EYS: variants seen among roughly 807,000 people sequenced by gnomAD.
EYS encodes the protein protein eyes shut homolog.
A neutral mutation model predicts 282.1 loss-of-function variants in EYS; 250 were observed. The ratio of observed to expected loss-of-function variants is 0.89; its 90% confidence interval spans 0.80 to 0.98. The LOEUF (loss-of-function observed/expected upper bound fraction) is 0.98. EYS is among the 50% of genes least tolerant of loss of function. EYS has a pLI of 0.00. For missense variants in EYS, 4,016 were observed against 3,709.0 expected (o/e 1.08, Z -2.15); for synonymous variants, 1,355 against 1,282.9 (o/e 1.06, Z -1.20).
At chr6:63,971,585 A>G (rs1439784800) in intron 35 of EYS, among the ~76,000 whole-genome samples, 1 of 152,180 alleles carries the variant, frequency 6.6e-6, no homozygotes, top group Non-Finnish European at 1.5e-5. Context: ...TGTGGCTCAC[A>G]TTTAGGTCTA....
chr6:64,556,451 T>A (rs1765235066), intron 26 of EYS, among the ~76,000 whole-genome samples: 1 of 151,908 alleles, frequency 6.6e-6, no homozygotes, highest in African/African-American at 2.4e-5. Flanking sequence ...AAAAATACTA[T>A]CAGTGGTTTC....
intron 29 of EYS, among the ~76,000 whole-genome samples, chr6:64,330,568 G>A (rs1034172820): frequency 1.3e-5 from 2 of 152,158 alleles, no homozygotes; most frequent in East Asian, 1.9e-4. Flanking sequence ...AGCTACAGGA[G>A]TCTTGGTACA....
At chr6:65,646,718 G>C (rs1562307215) in intron 1 of EYS, among the ~76,000 whole-genome samples, 1 of 152,102 alleles carries the variant, frequency 6.6e-6, no homozygotes, top group Non-Finnish European at 1.5e-5. Flanking sequence ...ATTTGGTAAA[G>C]AGGAAGTCAA....
At chr6:65,656,401 G>A (rs938060905) in intron 1 of EYS, among the ~76,000 whole-genome samples, 1 of 151,888 alleles carries the variant, frequency 6.6e-6, no homozygotes, top group Non-Finnish European at 1.5e-5. Context: ...TGAATGCAAA[G>A]CGGAAGTTCG....
Position 64,227,386 on chromosome 6 carries a change from A to G in EYS, c.6424+3206T>C, listed in dbSNP as rs141336618. Among the ~76,000 whole-genome samples, 629 of 152,206 alleles carry G rather than the reference A, an allele frequency of 4.1e-3. 5 individuals carry two copies. The highest frequency in any genetic ancestry group is 0.014 in the African/African-American group (595 of 41,572). ...AAAGCAAAGTTTTTTTTTCATAAACAGATGACAGAGTGGAAGAATTTAAAA... is the reference window on the plus strand; with the variant it reads ...AAAGCAAAGTTTTTTTTTCATAAACGGATGACAGAGTGGAAGAATTTAAAA... On this transcript the variant is annotated intron_variant, in intron 31 of 42. Coordinates refer to ENST00000503581, the MANE Select transcript of EYS (RefSeq NM_001142800.2).
chr6:63,901,646 T>C (rs67538245), intron 35 of EYS, among the ~76,000 whole-genome samples: 15,874 of 152,182 alleles, frequency 0.1, 1,270 homozygotes, highest in African/African-American at 0.23. Flanking sequence ...TCTTCAAATA[T>C]AGGGAACAAA....
intron 2 of EYS, among the ~76,000 whole-genome samples, chr6:65,530,396 C>A (rs986382875): frequency 4.6e-5 from 7 of 152,094 alleles, no homozygotes; most frequent in Non-Finnish European, 7.4e-5. Flanking sequence ...TTTCAAAATG[C>A]AGTAATGCAC....
chr6:63,777,840 T>C (rs1770102668), intron 40 of EYS, 166 bp downstream of exon 40: 2 of 631,132 alleles, frequency 3.2e-6, no homozygotes, highest in East Asian at 5.7e-5. Flanking sequence ...ATCCTATTTT[T>C]AGTTGCCTTC....
intron 22 of EYS, among the ~76,000 whole-genome samples, chr6:64,675,428 C>CTTTTTTTTTTTTTTTTT (rs56346431): frequency 7.0e-5 from 8 of 114,622 alleles, no homozygotes; most frequent in East Asian, 5.2e-4. Flanking sequence ...CTTTTTTTTT[C>CTTTTTTTTTTTTTTTTT]TTTTTTTTTT....
chr6:65,142,683 A>G (rs1396669468), intron 12 of EYS, among the ~76,000 whole-genome samples: 1 of 151,882 alleles, frequency 6.6e-6, no homozygotes, highest in Non-Finnish European at 1.5e-5. Context: ...AATAAAGGAC[A>G]TTAGTTATAG....
intron 30 of EYS, among the ~76,000 whole-genome samples, chr6:64,300,763 C>A (rs1027146519): frequency 1.9e-4 from 29 of 152,164 alleles, no homozygotes; most frequent in Admixed American, 1.4e-3. Flanking sequence ...TCAAGATTGG[C>A]CTACAATCTT....
At chr6:64,958,739 A>C (rs1358828138) in intron 14 of EYS, among the ~76,000 whole-genome samples, 1 of 108,454 alleles carries the variant, frequency 9.2e-6, no homozygotes, top group African/African-American at 3.1e-5. Context: ...CGTCTCAAAA[A>C]AAAAAAAAAA....
intron 36 of EYS, among the ~76,000 whole-genome samples, chr6:63,840,634 C>G (rs1771932413): frequency 6.6e-6 from 1 of 152,062 alleles, no homozygotes; most frequent in Non-Finnish European, 1.5e-5. Flanking sequence ...TTCAAGAATT[C>G]ATCCTATGTT....
chr6:64,329,236 C>A (rs1166687557), intron 29 of EYS, among the ~76,000 whole-genome samples: 1 of 152,132 alleles, frequency 6.6e-6, no homozygotes, highest in African/African-American at 2.4e-5. Flanking sequence ...ATTGGAGCTA[C>A]AGGAATAACA....
chr6:64,423,711 G>A (rs1774309647), intron 28 of EYS, among the ~76,000 whole-genome samples: 1 of 152,142 alleles, frequency 6.6e-6, no homozygotes, highest in South Asian at 2.1e-4. Flanking sequence ...AGGAGGCAGA[G>A]GCAGGAGAAT....
chr6:64,508,721 A>G (rs181202750), intron 26 of EYS, among the ~76,000 whole-genome samples: 9 of 152,040 alleles, frequency 5.9e-5, no homozygotes, highest in Non-Finnish European at 1.3e-4. Flanking sequence ...GGTTTATGTG[A>G]ATTACATTAC....
chr6:63,832,116 A>C (rs1190107490), intron 36 of EYS, among the ~76,000 whole-genome samples: 2 of 152,230 alleles, frequency 1.3e-5, no homozygotes, highest in African/African-American at 4.8e-5. Flanking sequence ...AGAAAGCAGG[A>C]AAGATCTAAA....
intron 22 of EYS, among the ~76,000 whole-genome samples, chr6:64,662,911 A>G (rs1769094291): frequency 6.6e-6 from 1 of 152,132 alleles, no homozygotes; most frequent in Non-Finnish European, 1.5e-5. Context: ...TTTGAGAATT[A>G]CTGCTCTAGA....
chr6:65,475,953 T>C (rs1375063506), intron 5 of EYS, among the ~76,000 whole-genome samples: 3 of 152,154 alleles, frequency 2.0e-5, no homozygotes, highest in African/African-American at 7.2e-5. Context: ...GTTCACTCTG[T>C]ATTTCTTACT....
Sources: allele counts gnomAD v4.1 joint callset (sites outside exome capture counted in the v4.1 genomes callset), GRCh38; gene constraint gnomAD v4.1.1; transcripts MANE v1.5; gene names NCBI Gene and HGNC (gene_info 2026-07-23, HGNC 2026-07-21).